TNRC18: variants seen among roughly 807,000 people sequenced by gnomAD.
The protein encoded by TNRC18 is trinucleotide repeat-containing gene 18 protein.
A neutral mutation model predicts 226.7 loss-of-function variants in TNRC18; 69 were observed. That is an observed-to-expected ratio of 0.30 (90% confidence interval 0.25 to 0.37). The LOEUF (loss-of-function observed/expected upper bound fraction) is 0.37. Ranked by LOEUF, TNRC18 falls within the 10% of genes least tolerant of loss-of-function variation. The pLI, the probability that TNRC18 is intolerant of heterozygous loss-of-function variation, is 1.00. For synonymous variants in TNRC18, 2,449 were observed against 1,927.6 expected (o/e 1.27, Z -7.09); for missense variants, 4,754 against 4,256.6 (o/e 1.12, Z -3.25).
In TNRC18 at chr7:5,374,159, G is replaced by C; in HGVS notation, c.3125C>G (p.Thr1042Ser). The change falls in exon 10 of 30, where the codon ACC becomes AGC. Residue 1042 changes from threonine to serine, a missense_variant. Transcript: ENST00000430969. ...CTCCTCCTTGCGGGTGATACCCGGG[G>C]TGGGCGGTGGGGAGGCGGGCGGCGG... is the stretch of plus-strand genomic sequence containing the variant. ...TSPPPASPPP[T>S]PGITRKEEAP... is the part of the protein sequence containing the mutation. 6.7e-7 allele frequency: 1 copy of C among 1,492,910 alleles called. No homozygotes were observed. The highest frequency in any genetic ancestry group is 1.3e-5 in the South Asian group (1 of 74,198). The allele number at this position is 1,492,910 out of a possible 1,614,324, so 92.5% of individuals were successfully genotyped here. A position where few individuals can be genotyped will look rare whatever the true frequency, so the allele number is the denominator to read the frequency against.
chr7:5,334,728 C>T (rs1417742323), intron 18 of TNRC18, among the ~76,000 whole-genome samples: 1 of 152,084 alleles, frequency 6.6e-6, no homozygotes, highest in East Asian at 1.9e-4. Flanking sequence ...GTAACAGTCC[C>T]CCCAGAGATC....
At chr7:5,331,887 G>A (rs1383300625) in intron 19 of TNRC18, among the ~76,000 whole-genome samples, 2 of 152,116 alleles carry the variant, frequency 1.3e-5, no homozygotes, top group Non-Finnish European at 2.9e-5. Context: ...TCCAGCCTGG[G>A]TGACAGAGTG....
At chr7:5,376,798 T>C (rs768688610) in intron 8 of TNRC18, 49 bp downstream of exon 8, 15 of 1,587,622 alleles carry the variant, frequency 9.4e-6, no homozygotes, top group Non-Finnish European at 1.3e-5. Flanking sequence ...ACCATCTCGC[T>C]GGGCATGGCC....
rs376060921 is a variant in TNRC18, at chr7:5,390,435, G to A, written c.487+50C>T. On this transcript the variant is annotated intron_variant, in intron 4 of 29. Transcript: ENST00000430969. ...CTGGATGCTGCCAAAGGCCCCAGAA[G>A]CCTCTCAGAAGGCCCCTGTGCCACC... The A allele has an allele frequency of 3.7e-5, 60 of 1,606,172 alleles. No homozygotes were observed. The East Asian group carries it at 1.2e-3, about 32-fold the overall frequency.
chr7:5,391,840 A>T (rs1436029544), intron 3 of TNRC18, among the ~76,000 whole-genome samples: 1 of 137,922 alleles, frequency 7.3e-6, no homozygotes, highest in Non-Finnish European at 1.6e-5. Flanking sequence ...CTATTTAAAA[A>T]AAAAAAAAAA....
intron 11 of TNRC18, among the ~76,000 whole-genome samples, chr7:5,366,959 C>T (rs1269575460): frequency 1.3e-5 from 2 of 152,142 alleles, no homozygotes; most frequent in African/African-American, 2.4e-5. Context: ...GAATCCTAAC[C>T]CCTAGTAACC....
At position 5,374,452 on chromosome 7, in the gene TNRC18, C is replaced by G. The variant is rs748001148; in HGVS notation, c.2832G>C (p.Ala944=). Residue 944 remains alanine (A), a synonymous_variant, in exon 10 of 30, where the codon GCG becomes GCC. Coordinates refer to ENST00000430969, the MANE Select transcript of TNRC18 (RefSeq NM_001080495.3). ...QERLKAQEHR[A]EMEEKGSKRG... ...GCTTGCTCCCCTTCTCTTCCATCTC[C>G]GCCCGGTGCTCCTGCGCCTTCAACC... is the stretch of plus-strand genomic sequence containing the variant. The G allele has an allele frequency of 3.2e-6, 5 of 1,546,720 alleles. No individual in the cohort carries two copies. The highest frequency in any genetic ancestry group is 4.4e-6 in the Non-Finnish European group (5 of 1,145,630).
chr7:5,370,968 G>A lies in TNRC18; in HGVS notation c.3626C>T (p.Thr1209Ile). Residue 1209 changes from threonine (T) to isoleucine (I), a missense_variant, in exon 11 of 30, where the codon ACC becomes ATC. Transcript: ENST00000430969. Reference sequence around the variant, plus strand: ...AGAGGGCTCTGCGCAGCTCTGCCCGGTGGCACTCAGCGCCTGGGCCTCCAA... The same window carrying A: ...AGAGGGCTCTGCGCAGCTCTGCCCGATGGCACTCAGCGCCTGGGCCTCCAA... ...GLLEAQALSA[T>I]GQSCAEPSEC... The A allele has an allele frequency of 6.2e-7, 1 of 1,605,730 alleles. No homozygotes were observed. The highest frequency in any genetic ancestry group is 8.5e-7 in the Non-Finnish European group (1 of 1,179,722).
chr7:5,369,277 G>T (rs902842018), intron 11 of TNRC18, among the ~76,000 whole-genome samples: 6 of 152,030 alleles, frequency 3.9e-5, no homozygotes, highest in African/African-American at 1.2e-4. Flanking sequence ...GAACCCGGGA[G>T]GGCGGAGGCT....
intron 19 of TNRC18, among the ~76,000 whole-genome samples, chr7:5,329,218 G>A (rs1222872479): frequency 2.0e-5 from 3 of 151,434 alleles, no homozygotes; most frequent in East Asian, 1.9e-4. Flanking sequence ...CAAGAGAATC[G>A]CTTTAATCTG....
intron 11 of TNRC18, among the ~76,000 whole-genome samples, chr7:5,365,427 A>G (rs1793517368): frequency 6.7e-6 from 1 of 150,170 alleles, no homozygotes; most frequent in Admixed American, 6.6e-5. Context: ...ATCTTTTTGT[A>G]ATAGGAGCAC....
intron 2 of TNRC18, chr7:5,420,823 C>A (rs1371442408): frequency 1.4e-6 from 1 of 702,960 alleles, no homozygotes; most frequent in Non-Finnish European, 2.6e-6. Flanking sequence ...ACCACACCGG[C>A]TTTCGGCTCA....
At position 5,371,151 on chromosome 7, in the gene TNRC18, G is replaced by C; in HGVS notation, c.3443C>G (p.Pro1148Arg). The change falls in exon 11 of 30, where the codon CCG becomes CGG. Residue 1148 changes from proline (P) to arginine (R), a missense_variant. By Grantham distance (103) the Pro-to-Arg change is moderately radical. Transcript: ENST00000430969. Reference protein sequence around the residue: ...SKITEPLREGPEEEPLAEREV... With the variant: ...SKITEPLREGREEEPLAEREV... ...CCGCTCAGCCAGCGGTTCTTCCTCC[G>C]GGCCCTCCCGCAGCGGCTCTGTGAT... The C allele has an allele frequency of 1.9e-6, 3 of 1,609,434 alleles. No homozygotes were observed. Among genetic ancestry groups the C allele is most frequent in the Non-Finnish European group, 1.7e-6 (2 of 1,176,930 alleles).
At chr7:5,327,355 ATATG>A (rs1789016971) in intron 19 of TNRC18, among the ~76,000 whole-genome samples, 2 of 149,738 alleles carry the variant, frequency 1.3e-5, no homozygotes, top group South Asian at 4.3e-4. Context: ...GGAAAAATAT[ATATG>A]TGTGTGTTTG....
In TNRC18 at chr7:5,312,439, G is replaced by A. The variant is rs1787326864; in HGVS notation, c.8388+64C>T. 6.4e-7 allele frequency: 1 copy of A among 1,572,472 alleles called. No individual in the cohort carries two copies. The highest frequency in any genetic ancestry group is 8.6e-7 in the Non-Finnish European group (1 of 1,164,592). Reference sequence around the variant, plus strand: ...ACACGGAGACACAGCATGAAGCCGTGGGCCCAGCAGAGAGACACAAGGCCC... The same window carrying A: ...ACACGGAGACACAGCATGAAGCCGTAGGCCCAGCAGAGAGACACAAGGCCC... On this transcript the variant is annotated intron_variant, in intron 27 of 29. Transcript: ENST00000430969. This position sits in a 1 kb window ranked among gnomAD's most constrained non-coding sequence, Gnocchi z 6.3.
chr7:5,326,964 A>C (rs1289310019), intron 19 of TNRC18, among the ~76,000 whole-genome samples: 1 of 151,880 alleles, frequency 6.6e-6, no homozygotes, highest in Non-Finnish European at 1.5e-5. Context: ...CTCTACTAAA[A>C]ATATAAAAAA....
At chr7:5,330,405 T>G (rs1789396494) in intron 19 of TNRC18, among the ~76,000 whole-genome samples, 1 of 148,628 alleles carries the variant, frequency 6.7e-6, no homozygotes, top group South Asian at 2.1e-4. Context: ...GCTAATTGTT[T>G]TTTTGTTGTT....
rs536252188 is a variant in TNRC18, at chr7:5,346,411, G to A, written c.5471-601C>T. Among the ~76,000 whole-genome samples, 34 of 152,310 alleles carry A rather than the reference G, an allele frequency of 2.2e-4. 1 individual carries two copies. The highest frequency in any genetic ancestry group is 3.9e-4 in the East Asian group (2 of 5,180). On this transcript the variant is annotated intron_variant, in intron 17 of 29. Coordinates refer to ENST00000430969, the MANE Select transcript of TNRC18 (RefSeq NM_001080495.3). ...GAGTCTAGAGTCGACTCCTGGCATC[G>A]CTTGAACCCGGGAGGCGGAGGTTGC... is the stretch of plus-strand genomic sequence containing the variant.
At chr7:5,350,827 T>G (rs990223323) in intron 17 of TNRC18, among the ~76,000 whole-genome samples, 3 of 152,096 alleles carry the variant, frequency 2.0e-5, no homozygotes, top group Admixed American at 6.6e-5. Flanking sequence ...CCAGCCTCTC[T>G]CCAAACAGAG....
Sources: allele counts gnomAD v4.1 joint callset (sites outside exome capture counted in the v4.1 genomes callset), GRCh38; gene constraint gnomAD v4.1.1; non-coding constraint Gnocchi (gnomAD v3.1); transcripts MANE v1.5; gene names NCBI Gene and HGNC (gene_info 2026-07-23, HGNC 2026-07-21).